FZD3: variants seen among roughly 807,000 people sequenced by gnomAD.
FZD3 encodes frizzled-3.
A neutral mutation model predicts 60.7 loss-of-function variants in FZD3; 30 were observed. That is an observed-to-expected ratio of 0.49 (90% CI 0.37 to 0.67). The LOEUF is 0.67. Ranked by LOEUF, FZD3 falls within the 30% of genes least tolerant of loss-of-function variation. FZD3 has a pLI of 0.00. For synonymous variants in FZD3, 246 were observed against 275.2 expected, an observed-to-expected ratio of 0.89 and a Z score of 1.05; for missense variants, 605 against 838.7, an observed-to-expected ratio of 0.72 and a Z score of 3.44.
At position 28,527,371 on chromosome 8, in the gene FZD3, A is replaced by G. The variant is rs1010503043; in HGVS notation, c.611A>G (p.Tyr204Cys). 2 of 1,613,582 alleles carry G rather than the reference A, an allele frequency of 1.2e-6. No individual in the cohort carries two copies. Among genetic ancestry groups the G allele is most frequent in the African/African-American group, 1.3e-5 (1 of 74,878 alleles). Residue 204 changes from tyrosine (Y) to cysteine (C), a missense_variant, in exon 5 of 8, where the codon TAT becomes TGT. By Grantham distance (194) the Tyr-to-Cys change is radical. Coordinates refer to ENST00000240093, the MANE Select transcript of FZD3 (RefSeq NM_017412.4). The surrounding 1 kb of genome is among the most constrained non-coding windows in gnomAD (Gnocchi z 5.0). ...FRREELSFAR[Y>C]FIGLISIICL... ...AGAGAAGAACTGTCATTTGCTCGCT[A>G]TTTCATAGGATTGATTTCAATCATT...
At chr8:28,508,425 CTTTT>C (rs35048077) in intron 3 of FZD3, among the ~76,000 whole-genome samples, 1,549 of 129,806 alleles carry the variant, frequency 0.012, 31 homozygotes, top group African/African-American at 0.041. Flanking sequence ...CTAGGGAATA[CTTTT>C]TTTTTTTTTT....
At chr8:28,523,166 A>G (rs1366921000) in intron 4 of FZD3, among the ~76,000 whole-genome samples, 1 of 152,166 alleles carries the variant, frequency 6.6e-6, no homozygotes. Flanking sequence ...GTGCTGCTAT[A>G]ACAAAATACC....
At position 28,567,348 on chromosome 8, in the gene FZD3, T is replaced by G. The variant is rs1805723096; in HGVS notation, c.*4337T>G. The G allele has an allele frequency of 6.6e-6, 1 of 152,296 alleles. No individual in the cohort carries two copies. 9.4% of individuals were successfully genotyped at this position (152,296 alleles called of 1,614,324 possible). On this transcript the variant is annotated 3_prime_UTR_variant, in exon 8 of 8. Coordinates refer to ENST00000240093, the MANE Select transcript of FZD3 (RefSeq NM_017412.4). Reference sequence around the variant, plus strand: ...TTTGTATTTTTAGTGGAGATGGAGTTTTGCCATGTTGGTCTCAAACTCCTG... The same window carrying G: ...TTTGTATTTTTAGTGGAGATGGAGTGTTGCCATGTTGGTCTCAAACTCCTG...
Position 28,566,018 on chromosome 8 carries a change from TAAACTC to T in FZD3, c.*3011_*3016del, listed in dbSNP as rs1238256166. ...CTAGACAAAAGATCTAAGATAATAT[TAAACTC>T]AAAACAGTTTGTTTCAAAGAACAAT... On this transcript the variant is annotated 3_prime_UTR_variant, in exon 8 of 8. Transcript: ENST00000240093. 2 of 152,176 alleles carry T rather than the reference TAAACTC, an allele frequency of 1.3e-5. No homozygotes were observed. The highest frequency in any genetic ancestry group is 6.5e-5 in the Admixed American group (1 of 15,272). 9.4% of individuals were successfully genotyped at this position (152,176 alleles called of 1,614,324 possible).
intron 1 of FZD3, among the ~76,000 whole-genome samples, chr8:28,495,221 C>G (rs1162202325): frequency 3.9e-5 from 6 of 152,110 alleles, no homozygotes; most frequent in African/African-American, 1.4e-4. Context: ...AACAAAAGCA[C>G]GTGCCATGAA....
At chr8:28,535,445 A>C (rs530823542) in intron 5 of FZD3, among the ~76,000 whole-genome samples, 1 of 152,152 alleles carries the variant, frequency 6.6e-6, no homozygotes, top group South Asian at 2.1e-4. Context: ...CTTAGTTTTT[A>C]TCTAATGTCC....
intron 3 of FZD3, among the ~76,000 whole-genome samples, chr8:28,509,985 TTTAA>T (rs1804241743): frequency 6.6e-6 from 1 of 152,234 alleles, no homozygotes. Context: ...TAATTCCATG[TTTAA>T]TTTTTTGAAG....
intron 3 of FZD3, among the ~76,000 whole-genome samples, chr8:28,511,365 A>G (rs1315312638): frequency 6.6e-6 from 1 of 152,108 alleles, no homozygotes; most frequent in Non-Finnish European, 1.5e-5. Context: ...GTGTGCCTGT[A>G]GTCCCAGCTA....
At chr8:28,520,081 A>G (rs1403417924) in intron 3 of FZD3, among the ~76,000 whole-genome samples, 2 of 150,936 alleles carry the variant, frequency 1.3e-5, no homozygotes, top group Admixed American at 6.6e-5. Context: ...ATGGTGGTGC[A>G]TGCCTATAAT....
At chr8:28,559,258 A>G (rs1285268810) in intron 7 of FZD3, among the ~76,000 whole-genome samples, 1 of 152,222 alleles carries the variant, frequency 6.6e-6, no homozygotes. Context: ...TTGAGTCACT[A>G]TTAAGAAAAG....
chr8:28,559,958 G>A (rs2130473549), intron 7 of FZD3, among the ~76,000 whole-genome samples: 1 of 152,306 alleles, frequency 6.6e-6, no homozygotes, highest in South Asian at 2.1e-4. Flanking sequence ...ACACATATAT[G>A]TCAGCTTCAA....
At chr8:28,561,858 T>C (rs1165386566) in intron 7 of FZD3, among the ~76,000 whole-genome samples, 2 of 152,160 alleles carry the variant, frequency 1.3e-5, no homozygotes, top group Non-Finnish European at 2.9e-5. Flanking sequence ...CGTTGATAAG[T>C]AGCATGCTAG....
intron 1 of FZD3, 83 bp from the exon 2 acceptor site, chr8:28,499,849 CT>C (rs944185358): frequency 3.9e-5 from 6 of 152,216 alleles, no homozygotes; most frequent in Admixed American, 6.5e-5. Context: ...ATGTTATCCC[CT>C]ATCTGCTTTT....
Position 28,551,615 on chromosome 8 carries a change from A to T in FZD3, c.1417A>T (p.Ser473Cys). 1 of 1,605,672 alleles carries T rather than the reference A, an allele frequency of 6.2e-7. No homozygotes were observed. The highest frequency in any genetic ancestry group is 8.5e-7 in the Non-Finnish European group (1 of 1,173,998). The change falls in exon 6 of 8, where the codon AGT becomes TGT. Residue 473 changes from serine (S) to cysteine (C), a missense_variant. Ser to Cys is a moderately radical substitution (Grantham distance 112, BLOSUM62 -1). Transcript: ENST00000240093. ...TCTGTTCTTCCAGGTTACTCAAATG[A>T]GTCGTCCAGACTTGATTCTCTTTCT... ...IPCPYQVTQM[S>C]RPDLILFLMK...
In FZD3 at chr8:28,527,970, A is replaced by G. The variant is rs1212740956; in HGVS notation, c.1210A>G (p.Ile404Val). The part of the protein sequence containing the change: ...IISLNRVRIE[I>V]PLEKENQDKL... ...ATCCCTAAACAGAGTTCGAATTGAG[A>G]TTCCATTAGAAAAGGAGAACCAAGA... Residue 404 changes from isoleucine to valine, a missense_variant, in exon 5 of 8, where the codon ATT (isoleucine) becomes GTT (valine). Transcript: ENST00000240093. The surrounding 1 kb of genome is among the most constrained non-coding windows in gnomAD (Gnocchi z 5.0). The G allele has an allele frequency of 6.2e-7, 1 of 1,613,870 alleles. No individual in the cohort carries two copies. The highest frequency in any genetic ancestry group is 1.3e-5 in the African/African-American group (1 of 74,922).
At chr8:28,538,351 G>GT (rs1240171957) in intron 5 of FZD3, among the ~76,000 whole-genome samples, 1 of 152,074 alleles carries the variant, frequency 6.6e-6, no homozygotes, top group South Asian at 2.1e-4. Flanking sequence ...GTTGCTTCTA[G>GT]TTTTTTAAGT....
chr8:28,556,710 T>C (rs1805515533), intron 7 of FZD3, among the ~76,000 whole-genome samples: 1 of 152,232 alleles, frequency 6.6e-6, no homozygotes, highest in Non-Finnish European at 1.5e-5. Flanking sequence ...ATAGACAATA[T>C]GTAGTCAAAT....
At chr8:28,539,895 T>C (rs377085146) in intron 5 of FZD3, among the ~76,000 whole-genome samples, 2 of 152,270 alleles carry the variant, frequency 1.3e-5, no homozygotes, top group East Asian at 3.9e-4. Flanking sequence ...GCAGGGTATT[T>C]CACCCTTAGC....
chr8:28,567,716 A>G lies in FZD3; in HGVS notation c.*4705A>G, dbSNP rs1805729435. 6.6e-6 allele frequency: 1 copy of G among 152,220 alleles called. No individual in the cohort carries two copies. Among genetic ancestry groups the G allele is most frequent in the Non-Finnish European group, 1.5e-5 (1 of 68,038 alleles). The allele number at this position is 152,220 out of a possible 1,614,324, so 9.4% of individuals were successfully genotyped here. On this transcript the variant is annotated 3_prime_UTR_variant, in exon 8 of 8. Coordinates refer to ENST00000240093, the MANE Select transcript of FZD3 (RefSeq NM_017412.4). ...ATTTGGTACAGTCTTTAAATCGGTC[A>G]TCCAATTAACCTTTAAAAAGTAGGT...
Sources: allele counts gnomAD v4.1 joint callset (sites outside exome capture counted in the v4.1 genomes callset), GRCh38; gene constraint gnomAD v4.1.1; non-coding constraint Gnocchi (gnomAD v3.1); transcripts MANE v1.5; gene names NCBI Gene and HGNC (gene_info 2026-07-23, HGNC 2026-07-21).